Variants in PLCH1 observed in about 807,000 individuals in gnomAD.
PLCH1 encodes 1-phosphatidylinositol 4,5-bisphosphate phosphodiesterase eta-1.
In PLCH1, 60 loss-of-function variants were observed where a neutral mutation model predicts 126.7. The ratio of observed to expected loss-of-function variants is 0.47; its 90% CI spans 0.38 to 0.59. PLCH1 has a LOEUF of 0.59. PLCH1 is among the 20% of genes least tolerant of loss of function. PLCH1 has a pLI of 0.00. For missense variants in PLCH1, 1,723 were observed against 2,040.0 expected, an observed-to-expected ratio of 0.84 and a Z score of 2.99; for synonymous variants, 719 against 734.9, an observed-to-expected ratio of 0.98 and a Z score of 0.35.
chr3:155,644,024 G>A (rs571054154), intron 2 of PLCH1, among the ~76,000 whole-genome samples: 1 of 152,234 alleles, frequency 6.6e-6, no homozygotes, highest in South Asian at 2.1e-4. Context: ...GTCACATCCT[G>A]AATTAATTTC....
chr3:155,685,555 C>T (rs1349674401), intron 2 of PLCH1, among the ~76,000 whole-genome samples: 3 of 152,074 alleles, frequency 2.0e-5, no homozygotes, highest in Admixed American at 1.3e-4. Flanking sequence ...TAGTTGGAGA[C>T]GATGTGACAG....
intron 1 of PLCH1, among the ~76,000 whole-genome samples, chr3:155,741,677 A>G (rs1347051934): frequency 6.7e-5 from 7 of 104,806 alleles, no homozygotes; most frequent in African/African-American, 1.2e-4. Context: ...TCATAATTTT[A>G]TATCCTCTTT....
At chr3:155,689,857 T>C (rs1251105648) in intron 2 of PLCH1, among the ~76,000 whole-genome samples, 2 of 151,942 alleles carry the variant, frequency 1.3e-5, no homozygotes, top group East Asian at 1.9e-4. Flanking sequence ...AGTAGAAAGT[T>C]TATTCAAAGA....
At chr3:155,550,636 AAGG>A (rs1395401379) in intron 9 of PLCH1, among the ~76,000 whole-genome samples, 1 of 152,190 alleles carries the variant, frequency 6.6e-6, no homozygotes, top group Admixed American at 6.5e-5. Context: ...CTAAGGCAGA[AAGG>A]AGATCAGGGC....
intron 1 of PLCH1, among the ~76,000 whole-genome samples, chr3:155,723,383 AC>A (rs1236831430): frequency 2.0e-5 from 3 of 152,012 alleles, no homozygotes; most frequent in Admixed American, 6.6e-5. Context: ...TGTTTCATTT[AC>A]CTTTTTTATT....
chr3:155,559,485 A>G (rs943534346), intron 8 of PLCH1, among the ~76,000 whole-genome samples: 1 of 152,202 alleles, frequency 6.6e-6, no homozygotes, highest in African/African-American at 2.4e-5. Context: ...GGTCAAATGC[A>G]AAGCTGGCCA....
At chr3:155,472,251 C>T (rs534405565) in intron 21 of PLCH1, among the ~76,000 whole-genome samples, 163 of 152,104 alleles carry the variant, frequency 1.1e-3, no homozygotes, top group Admixed American at 3.5e-3. Flanking sequence ...GGGATATCAC[C>T]ACCGATCCCA....
intron 21 of PLCH1, among the ~76,000 whole-genome samples, chr3:155,469,936 C>A (rs1276839292): frequency 1.3e-5 from 2 of 152,156 alleles, no homozygotes; most frequent in South Asian, 4.1e-4. Flanking sequence ...ACATCATCAT[C>A]ATCAAAGACC....
rs79731174 is a variant in PLCH1 at position 155,564,889 on chromosome 3, C to G, written c.1069+26G>C. ...TAAAGGACAGGGTCACCCATACACA[C>G]CGGAGCTCAGAAAAAGTGCACGTAC... On this transcript the variant is annotated intron_variant, in intron 8 of 22. Transcript: ENST00000460012. The G allele has an allele frequency of 3.0e-3, 4,608 of 1,526,750 alleles. 116 individuals are homozygous for G. In the East Asian group the frequency reaches 0.049, roughly 16 times the overall value. 94.6% of individuals were successfully genotyped at this position (1,526,750 alleles called of 1,614,324 possible). A position where few individuals can be genotyped will look rare whatever the true frequency, so the allele number is the denominator to read the frequency against.
At chr3:155,451,993 C>A (rs1712318278) in intron 21 of PLCH1, among the ~76,000 whole-genome samples, 1 of 152,156 alleles carries the variant, frequency 6.6e-6, no homozygotes, top group Admixed American at 6.6e-5. Context: ...AAATCTCTCT[C>A]AATCCCTCTC....
chr3:155,699,872 G>A (rs909210172), intron 2 of PLCH1, among the ~76,000 whole-genome samples: 1 of 130,032 alleles, frequency 7.7e-6, no homozygotes, highest in Non-Finnish European at 1.6e-5. Flanking sequence ...CCCCTAAAGG[G>A]AAATGCAGCA....
chr3:155,676,229 G>C, intron 2 of PLCH1: 4 of 1,247,102 alleles, frequency 3.2e-6, no homozygotes, highest in Non-Finnish European at 4.1e-6. Flanking sequence ...AGGCTTTATA[G>C]TGTGGAGAAA....
At chr3:155,574,300 C>T (rs568312707) in intron 6 of PLCH1, among the ~76,000 whole-genome samples, 2 of 152,164 alleles carry the variant, frequency 1.3e-5, no homozygotes, top group African/African-American at 2.4e-5. Context: ...AAATCTGAAG[C>T]CCTAACCATA....
At chr3:155,641,949 T>C (rs1388959440) in intron 2 of PLCH1, among the ~76,000 whole-genome samples, 2 of 152,136 alleles carry the variant, frequency 1.3e-5, no homozygotes, top group Non-Finnish European at 2.9e-5. Flanking sequence ...CTGCAGAAGG[T>C]TGGCATACTA....
intron 11 of PLCH1, among the ~76,000 whole-genome samples, chr3:155,517,267 A>G (rs1440292229): frequency 6.6e-6 from 1 of 152,230 alleles, no homozygotes; most frequent in Non-Finnish European, 1.5e-5. Context: ...TGATCATGCC[A>G]CATCACTCCA....
chr3:155,538,523 G>T (rs2108373834), intron 10 of PLCH1, among the ~76,000 whole-genome samples: 1 of 152,182 alleles, frequency 6.6e-6, no homozygotes, highest in South Asian at 2.1e-4. Context: ...AACAAAAGAA[G>T]AGAGAAGATC....
At chr3:155,589,610 C>T (rs529941203) in intron 4 of PLCH1, among the ~76,000 whole-genome samples, 2 of 152,092 alleles carry the variant, frequency 1.3e-5, no homozygotes, top group Admixed American at 1.3e-4. Context: ...TAATAATTTC[C>T]CTCATGGGGT....
intron 1 of PLCH1, among the ~76,000 whole-genome samples, chr3:155,741,107 C>G (rs562518540): frequency 6.6e-6 from 1 of 152,314 alleles, no homozygotes; most frequent in South Asian, 2.1e-4. Context: ...AACTTCTTCA[C>G]AGGCTTCTTA....
intron 3 of PLCH1, among the ~76,000 whole-genome samples, chr3:155,595,922 C>T (rs1379733830): frequency 1.3e-5 from 2 of 152,050 alleles, no homozygotes; most frequent in Non-Finnish European, 2.9e-5. Context: ...TAATGTCCCT[C>T]ACCTTTTATA....
Sources: allele counts gnomAD v4.1 joint callset (sites outside exome capture counted in the v4.1 genomes callset), GRCh38; gene constraint gnomAD v4.1.1; transcripts MANE v1.5; gene names NCBI Gene and HGNC (gene_info 2026-07-23, HGNC 2026-07-21).